Variants in CSNK1G3 observed in about 807,000 individuals in gnomAD.
CSNK1G3 encodes the protein casein kinase 1 gamma 3, also known as casein kinase I isoform gamma-3.
CSNK1G3 carries 23 observed loss-of-function variants against 64.3 expected under a neutral mutation model. That is an observed-to-expected ratio of 0.36 (90% confidence interval 0.26 to 0.51). The LOEUF (loss-of-function observed/expected upper bound fraction) is 0.51, where lower values mean the gene tolerates loss of function less well. CSNK1G3 is among the 20% of genes least tolerant of loss of function. CSNK1G3 has a pLI of 0.96. For synonymous variants in CSNK1G3, 158 were observed against 162.2 expected (o/e 0.97, Z 0.20); for missense variants, 357 against 510.5 (o/e 0.70, Z 2.90).
chr5:123,605,574 T>G (rs931911665), intron 12 of CSNK1G3, among the ~76,000 whole-genome samples: 4 of 152,148 alleles, frequency 2.6e-5, no homozygotes, highest in Non-Finnish European at 5.9e-5. Flanking sequence ...CTTTTTTACT[T>G]TAAGTGACAT....
intron 12 of CSNK1G3, among the ~76,000 whole-genome samples, chr5:123,608,118 C>T (rs1392980904): frequency 1.3e-5 from 2 of 152,088 alleles, no homozygotes; most frequent in Admixed American, 1.3e-4. Context: ...GCATCTTATA[C>T]TTCTCTTCTC....
At chr5:123,513,243 G>A (rs1335961816) in intron 1 of CSNK1G3, among the ~76,000 whole-genome samples, 1 of 152,132 alleles carries the variant, frequency 6.6e-6, no homozygotes, top group Non-Finnish European at 1.5e-5. Flanking sequence ...CACATGCAGG[G>A]GAAGTGACAC....
At chr5:123,612,821 A>G (rs1384647609) in intron 12 of CSNK1G3, among the ~76,000 whole-genome samples, 1 of 152,124 alleles carries the variant, frequency 6.6e-6, no homozygotes, top group Non-Finnish European at 1.5e-5. Context: ...TTATAGAAAC[A>G]TCTTTATAAG....
chr5:123,541,094 A>G (rs1781599319), intron 1 of CSNK1G3, among the ~76,000 whole-genome samples: 1 of 152,214 alleles, frequency 6.6e-6, no homozygotes, highest in African/African-American at 2.4e-5. Context: ...TGATGGTATT[A>G]TCTAGATCTA....
intron 1 of CSNK1G3, among the ~76,000 whole-genome samples, chr5:123,513,395 G>A (rs1279711176): frequency 1.3e-5 from 2 of 152,078 alleles, no homozygotes; most frequent in African/African-American, 4.8e-5. Context: ...ATGTTTTAGG[G>A]AGGAAAAGTT....
At chr5:123,539,051 C>T (rs1344730711) in intron 1 of CSNK1G3, among the ~76,000 whole-genome samples, 1 of 152,074 alleles carries the variant, frequency 6.6e-6, no homozygotes, top group Non-Finnish European at 1.5e-5. Context: ...CTTTGTTTCT[C>T]AGCCTGGCCT....
chr5:123,611,260 T>G lies in CSNK1G3; in HGVS notation c.1218-3082T>G, dbSNP rs536280362. On this transcript the variant is annotated intron_variant, in intron 12 of 12. Coordinates refer to ENST00000345990, the Ensembl canonical transcript of CSNK1G3. ...ATTTTGAGAACCTCTCTCTTGTCTA[T>G]TTGGATGCATTTGTATCACATAAGG... Among the ~76,000 whole-genome samples, 9 of 152,342 alleles carry G rather than the reference T, an allele frequency of 5.9e-5. No homozygotes were observed. The South Asian group carries it at 1.4e-3, about 25-fold the overall frequency.
intron 6 of CSNK1G3, among the ~76,000 whole-genome samples, chr5:123,578,072 A>G (rs1789525215): frequency 6.6e-6 from 1 of 151,952 alleles, no homozygotes; most frequent in Non-Finnish European, 1.5e-5. Flanking sequence ...ATTCCATTGC[A>G]TAAACATATC....
chr5:123,513,178 G>GT (rs1175132106), intron 1 of CSNK1G3, among the ~76,000 whole-genome samples: 1 of 152,130 alleles, frequency 6.6e-6, no homozygotes, highest in Non-Finnish European at 1.5e-5. Flanking sequence ...TTAGTCAAAG[G>GT]TTAGCAAAAT....
intron 4 of CSNK1G3, among the ~76,000 whole-genome samples, chr5:123,568,350 G>T (rs566742867): frequency 6.6e-6 from 1 of 151,978 alleles, no homozygotes; most frequent in South Asian, 2.1e-4. Context: ...GCTTCTTCTC[G>T]GTCCAACCAC....
intron 10 of CSNK1G3, among the ~76,000 whole-genome samples, chr5:123,593,011 C>G (rs1414547932): frequency 1.3e-5 from 2 of 151,790 alleles, no homozygotes; most frequent in Non-Finnish European, 2.9e-5. Flanking sequence ...TCCACTTGAG[C>G]TGTTAGGTAT....
chr5:123,595,245 C>T (rs1793204348), intron 10 of CSNK1G3, 111 bp downstream of exon 11: 1 of 935,124 alleles, frequency 1.1e-6, no homozygotes, highest in East Asian at 2.7e-5. Flanking sequence ...TGTTGCTGAA[C>T]TACTCTATCC....
chr5:123,534,800 C>T (rs1306697681), intron 1 of CSNK1G3, among the ~76,000 whole-genome samples: 1 of 152,004 alleles, frequency 6.6e-6, no homozygotes, highest in African/African-American at 2.4e-5. Context: ...GGCTTTGATC[C>T]ACAGAGACTG....
At chr5:123,565,029 G>T (rs1442850054) in intron 4 of CSNK1G3, among the ~76,000 whole-genome samples, 2 of 152,084 alleles carry the variant, frequency 1.3e-5, no homozygotes, top group Non-Finnish European at 2.9e-5. Flanking sequence ...ATATAAAAAT[G>T]TTGCTATATT....
intron 4 of CSNK1G3, among the ~76,000 whole-genome samples, chr5:123,566,512 T>C (rs760685914): frequency 2.6e-5 from 4 of 152,160 alleles, no homozygotes; most frequent in Non-Finnish European, 5.9e-5. Context: ...TCGTGCCCTC[T>C]TTTTCCTTAC....
chr5:123,560,941 C>T (rs948699742), intron 4 of CSNK1G3, among the ~76,000 whole-genome samples: 14 of 152,098 alleles, frequency 9.2e-5, no homozygotes, highest in Admixed American at 7.9e-4. Context: ...TGCCACTGAA[C>T]TGTACACTTA....
chr5:123,576,443 C>T (rs149487021), intron 6 of CSNK1G3, among the ~76,000 whole-genome samples: 67 of 152,234 alleles, frequency 4.4e-4, no homozygotes, highest in African/African-American at 1.6e-3. Flanking sequence ...ACTATGACTT[C>T]GGACAAGTTT....
intron 5 of CSNK1G3, among the ~76,000 whole-genome samples, chr5:123,574,880 A>T (rs957383394): frequency 1.8e-4 from 28 of 152,236 alleles, no homozygotes; most frequent in African/African-American, 6.5e-4. Flanking sequence ...CAAAACAAAG[A>T]ATATTTCATG....
At chr5:123,567,308 T>C (rs1376400551) in intron 4 of CSNK1G3, among the ~76,000 whole-genome samples, 2 of 152,118 alleles carry the variant, frequency 1.3e-5, no homozygotes, top group African/African-American at 4.8e-5. Flanking sequence ...ATTAGAAATA[T>C]TTTATTTTAA....
Sources: allele counts gnomAD v4.1 joint callset (sites outside exome capture counted in the v4.1 genomes callset), GRCh38; gene constraint gnomAD v4.1.1; transcripts MANE v1.5; gene names NCBI Gene and HGNC (gene_info 2026-07-23, HGNC 2026-07-21).